The following DDX10 variants were observed in gnomAD, a reference collection of about 807,000 sequenced individuals.
DDX10 encodes the protein probable ATP-dependent RNA helicase DDX10.
A neutral mutation model predicts 104.3 loss-of-function variants in DDX10; 74 were observed. The observed-to-expected ratio is 0.71, with a 90% CI of 0.59 to 0.86. The LOEUF (loss-of-function observed/expected upper bound fraction) is 0.86. Among genes scored for constraint, DDX10 ranks in the 40% least tolerant of loss-of-function variants. The pLI is 0.00. For missense variants in DDX10, 952 were observed against 1,040.0 expected, an observed-to-expected ratio of 0.92 and a Z score of 1.16; for synonymous variants, 351 against 353.4, an observed-to-expected ratio of 0.99 and a Z score of 0.08.
rs1419426420 is a variant in DDX10 at position 108,677,169 on chromosome 11, T to TA, written c.464dup (p.Tyr155Ter). Residue 155 changes from tyrosine to a stop codon, truncating the protein, a stop_gained and frameshift_variant, in exon 4 of 18, where the codon TAT (tyrosine) becomes TAAT (stop). Coordinates refer to ENST00000322536, the MANE Select transcript of DDX10 (RefSeq NM_004398.4). LOFTEE classifies it high-confidence loss of function. ...AATATCACCTACGAGAGAACTGGCC[T>TA]ATCAGACCTTTGAGGTTCTCCGAAA... ...LIISPTRELA[Y>*]QTFEVLRKVG... 1 of 1,613,848 alleles carries TA rather than the reference T, an allele frequency of 6.2e-7. No individual in the cohort carries two copies. The highest frequency in any genetic ancestry group is 8.5e-7 in the Non-Finnish European group (1 of 1,179,942).
intron 11 of DDX10, among the ~76,000 whole-genome samples, chr11:108,719,037 T>A (rs1346609462): frequency 2.0e-5 from 3 of 151,812 alleles, no homozygotes; most frequent in Non-Finnish European, 4.4e-5. Flanking sequence ...ATCTGTGTAT[T>A]TGACAAACTG....
intron 13 of DDX10, among the ~76,000 whole-genome samples, chr11:108,830,813 T>C (rs1450413469): frequency 6.6e-6 from 1 of 152,250 alleles, no homozygotes; most frequent in African/African-American, 2.4e-5. Flanking sequence ...GATAATCATG[T>C]GATTTTTGTT....
chr11:108,846,783 A>G (rs2134600908), intron 15 of DDX10, among the ~76,000 whole-genome samples: 1 of 152,206 alleles, frequency 6.6e-6, no homozygotes, highest in South Asian at 2.1e-4. Flanking sequence ...TCCCTTATAT[A>G]TAAGAGATCT....
At chr11:108,853,227 C>T (rs552318643) in intron 16 of DDX10, among the ~76,000 whole-genome samples, 15 of 152,118 alleles carry the variant, frequency 9.9e-5, no homozygotes, top group East Asian at 1.9e-4. Context: ...AACGTGCAGG[C>T]GTGAAACACC....
At position 108,678,538 on chromosome 11, in the gene DDX10, T is replaced by C. The variant is rs550023538; in HGVS notation, c.658+103T>C. On this transcript the variant is annotated intron_variant, in intron 5 of 17. Transcript: ENST00000322536. ...GAAATTTTATGTTAGATAAATGTTA[T>C]GATTCAAAACAAACTTAAAAATTAC... 120 of 1,234,148 alleles carry C rather than the reference T, an allele frequency of 9.7e-5. No individual in the cohort carries two copies. The Middle Eastern group carries it at 1.1e-3, about 11-fold the overall frequency. The allele number at this position is 1,234,148 out of a possible 1,614,324, so 76.4% of individuals were successfully genotyped here. A position where few individuals can be genotyped will look rare whatever the true frequency, so the allele number is the denominator to read the frequency against.
At chr11:108,934,785 AT>A (rs1011142802) in intron 17 of DDX10, among the ~76,000 whole-genome samples, 3 of 152,186 alleles carry the variant, frequency 2.0e-5, no homozygotes, top group African/African-American at 7.2e-5. Flanking sequence ...CACTTATATA[AT>A]TTTTAAAAAC....
intron 9 of DDX10, among the ~76,000 whole-genome samples, chr11:108,701,875 G>A (rs1288851958): frequency 2.0e-5 from 3 of 152,054 alleles, no homozygotes; most frequent in South Asian, 2.1e-4. Flanking sequence ...TAGCAGAGAC[G>A]GGGTTTTGCC....
chr11:108,704,909 C>T (rs931077693), intron 9 of DDX10, among the ~76,000 whole-genome samples: 2 of 152,168 alleles, frequency 1.3e-5, no homozygotes, highest in Admixed American at 6.5e-5. Context: ...ACTCGACTAC[C>T]CCATCTATAT....
chr11:108,715,812 CTGCT>C (rs1285308375), intron 10 of DDX10, 63 bp from the exon 11 acceptor site: 1 of 771,486 alleles, frequency 1.3e-6, no homozygotes, highest in Non-Finnish European at 2.2e-6. Context: ...TAGGAAAATG[CTGCT>C]TACTATTTTT....
chr11:108,885,448 C>G (rs1049418542), intron 16 of DDX10, among the ~76,000 whole-genome samples: 1 of 151,684 alleles, frequency 6.6e-6, no homozygotes, highest in East Asian at 1.9e-4. Context: ...ACCTCTGCCT[C>G]CTGGGTTCAA....
chr11:108,760,171 C>T (rs1032073495), intron 13 of DDX10, among the ~76,000 whole-genome samples: 1 of 151,872 alleles, frequency 6.6e-6, no homozygotes, highest in South Asian at 2.1e-4. Flanking sequence ...GTTGATTCCC[C>T]CCCCACCCTT....
intron 6 of DDX10, among the ~76,000 whole-genome samples, chr11:108,686,383 G>T (rs1469464873): frequency 6.6e-6 from 1 of 152,142 alleles, no homozygotes; most frequent in Non-Finnish European, 1.5e-5. Context: ...AAAGTCCTCT[G>T]TGCTCTGCCT....
At position 108,768,473 on chromosome 11, in the gene DDX10, G is replaced by C. The variant is rs1174066283; in HGVS notation, c.1965+45011G>C. ...TATACAATATGAGAAGTGTCCTGAG[G>C]AAGAGTGGGAGTTGGTGAAACAGAA... On this transcript the variant is annotated intron_variant, in intron 13 of 17. Transcript: ENST00000322536. Among the ~76,000 whole-genome samples, 4 of 152,230 alleles carry C rather than the reference G, an allele frequency of 2.6e-5. No homozygotes were observed. In the East Asian group the frequency reaches 7.7e-4, roughly 29 times the overall value.
chr11:108,899,093 G>A (rs530662218), intron 16 of DDX10, among the ~76,000 whole-genome samples: 18 of 152,228 alleles, frequency 1.2e-4, no homozygotes, highest in Admixed American at 8.5e-4. Flanking sequence ...GTGTCTCTGC[G>A]TTATCTCTCA....
At chr11:108,666,940 G>A (rs1186785492) in intron 1 of DDX10, among the ~76,000 whole-genome samples, 2 of 152,318 alleles carry the variant, frequency 1.3e-5, no homozygotes, top group African/African-American at 4.8e-5. Context: ...AGACCGTAGA[G>A]CTAGAAACCT....
At chr11:108,810,969 A>G (rs1862171671) in intron 13 of DDX10, among the ~76,000 whole-genome samples, 2 of 152,090 alleles carry the variant, frequency 1.3e-5, no homozygotes, top group African/African-American at 4.8e-5. Flanking sequence ...ATAGTACTTA[A>G]ACATTCTTAT....
At chr11:108,788,210 C>A (rs1415461551) in intron 13 of DDX10, among the ~76,000 whole-genome samples, 1 of 152,100 alleles carries the variant, frequency 6.6e-6, no homozygotes, top group Non-Finnish European at 1.5e-5. Context: ...TTTTGAGTTG[C>A]CAGAGTTCTT....
chr11:108,707,295 C>T (rs1258165914), intron 10 of DDX10, among the ~76,000 whole-genome samples: 1 of 152,188 alleles, frequency 6.6e-6, no homozygotes, highest in African/African-American at 2.4e-5. Context: ...GAACCTCTGA[C>T]AACTACTGAT....
At chr11:108,888,017 G>C (rs187474828) in intron 16 of DDX10, among the ~76,000 whole-genome samples, 393 of 152,040 alleles carry the variant, frequency 2.6e-3, no homozygotes, top group African/African-American at 8.7e-3. Flanking sequence ...TTCAATCAGA[G>C]GAAATGGGTA....
Sources: allele counts gnomAD v4.1 joint callset (sites outside exome capture counted in the v4.1 genomes callset), GRCh38; gene constraint gnomAD v4.1.1; transcripts MANE v1.5; gene names NCBI Gene and HGNC (gene_info 2026-07-23, HGNC 2026-07-21).